Variants in CREB5 observed in about 807,000 individuals in gnomAD.
The protein encoded by CREB5 is cyclic AMP-responsive element-binding protein 5.
A neutral mutation model predicts 57.1 loss-of-function variants in CREB5; 19 were observed. The ratio of observed to expected loss-of-function variants is 0.33; its 90% CI spans 0.23 to 0.49. The LOEUF is 0.49. CREB5 is among the 20% of genes least tolerant of loss of function. The pLI is 0.99. For synonymous variants in CREB5, 238 were observed against 238.3 expected, an observed-to-expected ratio of 1.00 and a Z score of 0.01; for missense variants, 579 against 671.6, an observed-to-expected ratio of 0.86 and a Z score of 1.52.
intron 5 of CREB5, among the ~76,000 whole-genome samples, chr7:28,671,844 T>A (rs1800053181): frequency 6.6e-6 from 1 of 152,174 alleles, no homozygotes; most frequent in Non-Finnish European, 1.5e-5. Flanking sequence ...CAGATTTACT[T>A]TTAGAATGTG....
intron 4 of CREB5, among the ~76,000 whole-genome samples, chr7:28,551,298 G>A (rs926617259): frequency 2.6e-5 from 4 of 152,168 alleles, no homozygotes; most frequent in African/African-American, 9.7e-5. Context: ...AAGGTGCAGA[G>A]TTTTAAAAGT....
At chr7:28,622,291 ACACT>A (rs1362843711) in intron 5 of CREB5, among the ~76,000 whole-genome samples, 1 of 148,878 alleles carries the variant, frequency 6.7e-6, no homozygotes, top group Non-Finnish European at 1.5e-5. Flanking sequence ...ACACACACAC[ACACT>A]CCCCACACCC....
intron 5 of CREB5, among the ~76,000 whole-genome samples, chr7:28,599,434 A>G (rs1380531017): frequency 6.6e-6 from 1 of 152,206 alleles, no homozygotes; most frequent in Non-Finnish European, 1.5e-5. Context: ...GTGTCTGGAA[A>G]TACCTAATAG....
chr7:28,719,065 G>GCTT (rs1802871834), intron 6 of CREB5, among the ~76,000 whole-genome samples, 186 bp downstream of exon 6: 1 of 152,126 alleles, frequency 6.6e-6, no homozygotes, highest in African/African-American at 2.4e-5. Flanking sequence ...CATCGTGTTG[G>GCTT]CTTCCCCACC....
At chr7:28,544,574 G>GT (rs934596698) in intron 4 of CREB5, among the ~76,000 whole-genome samples, 15 of 151,922 alleles carry the variant, frequency 9.9e-5, no homozygotes, top group East Asian at 1.9e-4. Flanking sequence ...TTGCAATATG[G>GT]TTTTTTTTAA....
intron 4 of CREB5, among the ~76,000 whole-genome samples, chr7:28,560,891 T>TGCGCGCGTGCGTGCGC (rs1314317818): frequency 5.1e-5 from 1 of 19,726 alleles, no homozygotes; most frequent in Non-Finnish European, 9.3e-5. Flanking sequence ...TGCGTGCGTG[T>TGCGCGCGTGCGTGCGC]GTGTGCGTGC....
upstream of CREB5, chr7:28,410,032 G>C (rs1185867809): frequency 4.5e-6 from 2 of 447,234 alleles, no homozygotes; most frequent in Admixed American, 2.4e-5. Flanking sequence ...AACTTCCAGC[G>C]GGCGCGGCGA....
chr7:28,405,971 A>C (rs1241267940), intron 1 of CREB5, among the ~76,000 whole-genome samples: 2 of 152,176 alleles, frequency 1.3e-5, no homozygotes, highest in African/African-American at 4.8e-5. Context: ...TGACTCAAGA[A>C]ACTGACTTTA....
rs566762798 is a variant in CREB5, at chr7:28,421,916, A to G, written c.3+8999A>G. Among the ~76,000 whole-genome samples the G allele has an allele frequency of 4.8e-3, 696 of 146,230 alleles. 4 individuals are homozygous for G. The highest frequency in any genetic ancestry group is 0.016 in the African/African-American group (652 of 40,116). The stretch of plus-strand genomic sequence containing the variant: ...TACCATATATATAGAGAGAGTGTGT[A>G]TGTGTGTGTATGTGTATATATATAT... On this transcript the variant is annotated intron_variant, in intron 1 of 10. Coordinates refer to ENST00000357727, the MANE Select transcript of CREB5 (RefSeq NM_182898.4).
chr7:28,805,126 C>T (rs971853709), intron 8 of CREB5, among the ~76,000 whole-genome samples: 9 of 152,042 alleles, frequency 5.9e-5, no homozygotes, highest in Non-Finnish European at 1.3e-4. Context: ...ATGAGAAATG[C>T]GTTGGAGGGA....
At chr7:28,560,825 C>CGTGTGCGT (rs1562797019) in intron 4 of CREB5, among the ~76,000 whole-genome samples, 4 of 37,622 alleles carry the variant, frequency 1.1e-4, no homozygotes, top group South Asian at 2.2e-3. Flanking sequence ...TGTGTGTGCG[C>CGTGTGCGT]GCGCGCGCGT....
At chr7:28,682,836 C>T (rs1308618661) in intron 5 of CREB5, among the ~76,000 whole-genome samples, 3 of 152,218 alleles carry the variant, frequency 2.0e-5, no homozygotes, top group Non-Finnish European at 4.4e-5. Context: ...TCCCTGCAAT[C>T]CAAGTTGTGC....
chr7:28,589,755 T>C (rs1049082181), intron 5 of CREB5, among the ~76,000 whole-genome samples: 1 of 151,202 alleles, frequency 6.6e-6, no homozygotes, highest in Non-Finnish European at 1.5e-5. Flanking sequence ...TATCCACGGT[T>C]TGTATATTTA....
At chr7:28,639,501 T>C (rs940885761) in intron 5 of CREB5, among the ~76,000 whole-genome samples, 5 of 152,206 alleles carry the variant, frequency 3.3e-5, no homozygotes, top group Admixed American at 1.3e-4. Flanking sequence ...ACAATATATT[T>C]AAATTTAATA....
intron 5 of CREB5, among the ~76,000 whole-genome samples, chr7:28,706,941 C>T (rs751334497): frequency 6.6e-6 from 1 of 152,136 alleles, no homozygotes; most frequent in Non-Finnish European, 1.5e-5. Flanking sequence ...CATGAGGTAA[C>T]GTTGTTAAGT....
intron 1 of CREB5, among the ~76,000 whole-genome samples, chr7:28,448,357 A>G (rs1789598706): frequency 6.6e-6 from 1 of 152,192 alleles, no homozygotes; most frequent in Admixed American, 6.5e-5. Context: ...GAGAACCCTG[A>G]CTAACACAGT....
At chr7:28,707,999 C>A (rs981507026) in intron 5 of CREB5, among the ~76,000 whole-genome samples, 5 of 152,156 alleles carry the variant, frequency 3.3e-5, no homozygotes, top group South Asian at 4.1e-4. Flanking sequence ...TCTCCAAATT[C>A]TCCACACCTC....
chr7:28,498,907 T>A (rs988317466), intron 3 of CREB5, among the ~76,000 whole-genome samples: 1 of 152,170 alleles, frequency 6.6e-6, no homozygotes, highest in African/African-American at 2.4e-5. Context: ...TAAGGGAAGT[T>A]GTGATGCAGA....
intron 1 of CREB5, among the ~76,000 whole-genome samples, chr7:28,454,246 C>T (rs955148836): frequency 5.3e-5 from 8 of 152,312 alleles, no homozygotes; most frequent in East Asian, 1.9e-4. Context: ...AGCCACCACG[C>T]GCGGCTCCAA....
Sources: gnomAD v4.1 joint callset for allele counts (sites outside exome capture counted in the v4.1 genomes callset) on GRCh38, gnomAD v4.1.1 for gene constraint, MANE v1.5 for transcripts, NCBI Gene and HGNC (gene_info 2026-07-23, HGNC 2026-07-21) for gene names.